TTC28: variants seen among roughly 807,000 people sequenced by gnomAD.
TTC28 encodes the protein tetratricopeptide repeat protein 28.
Under a neutral mutation model 198.0 loss-of-function variants are expected in TTC28, and 61 were observed. The ratio of observed to expected loss-of-function variants is 0.31; its 90% CI spans 0.25 to 0.38. The LOEUF (loss-of-function observed/expected upper bound fraction) is 0.38. Among genes scored for constraint, TTC28 ranks in the 10% least tolerant of loss-of-function variants. TTC28 has a pLI of 1.00. For missense variants in TTC28, 2,678 were observed against 3,164.0 expected (o/e 0.85, Z 3.69); for synonymous variants, 1,171 against 1,297.8 (o/e 0.90, Z 2.10).
intron 5 of TTC28, among the ~76,000 whole-genome samples, chr22:28,178,165 G>A (rs948502417): frequency 6.6e-6 from 1 of 151,978 alleles, no homozygotes; most frequent in African/African-American, 2.4e-5. Context: ...TAGAAGAAAA[G>A]TATATCGGGC....
chr22:28,160,545 T>C (rs529820486), intron 6 of TTC28, among the ~76,000 whole-genome samples: 1 of 151,940 alleles, frequency 6.6e-6, no homozygotes, highest in African/African-American at 2.4e-5. Flanking sequence ...GGAGGCAGAG[T>C]AAAAAAGGCA....
At chr22:28,115,760 C>G (rs945960327) in intron 6 of TTC28, among the ~76,000 whole-genome samples, 2 of 152,192 alleles carry the variant, frequency 1.3e-5, no homozygotes, top group African/African-American at 2.4e-5. Flanking sequence ...AAGTTACGAG[C>G]CTGTTATCTT....
chr22:28,127,192 G>T (rs781142068), intron 6 of TTC28, among the ~76,000 whole-genome samples: 5 of 152,174 alleles, frequency 3.3e-5, no homozygotes, highest in African/African-American at 4.8e-5. Flanking sequence ...GTACAGACAA[G>T]ACTGGGCCTT....
chr22:28,282,367 T>C (rs1358520766), intron 5 of TTC28, among the ~76,000 whole-genome samples: 1 of 152,170 alleles, frequency 6.6e-6, no homozygotes, highest in Non-Finnish European at 1.5e-5. Context: ...TTTTGTCTTC[T>C]GATTAAAGAG....
chr22:28,515,506 C>A (rs1174391635), intron 2 of TTC28, among the ~76,000 whole-genome samples: 1 of 152,200 alleles, frequency 6.6e-6, no homozygotes, highest in African/African-American at 2.4e-5. Flanking sequence ...TGCTTCACAG[C>A]ATGCTGTTTG....
chr22:28,575,935 T>C (rs1490659401), intron 2 of TTC28, among the ~76,000 whole-genome samples: 2 of 152,204 alleles, frequency 1.3e-5, no homozygotes, highest in African/African-American at 2.4e-5. Flanking sequence ...TAAAATCACA[T>C]CATCTGTAAA....
At chr22:28,388,179 G>T (rs1162480392) in intron 2 of TTC28, among the ~76,000 whole-genome samples, 4 of 152,060 alleles carry the variant, frequency 2.6e-5, no homozygotes, top group Non-Finnish European at 5.9e-5. Context: ...ATTTCTGAGG[G>T]CTCTATTCTG....
intron 9 of TTC28, among the ~76,000 whole-genome samples, chr22:28,100,621 T>C (rs995989070): frequency 1.3e-5 from 2 of 152,214 alleles, no homozygotes. Flanking sequence ...TCTAGCACAA[T>C]GTCCTCTGCA....
chr22:27,998,937 G>T lies in TTC28; in HGVS notation c.4722C>A (p.Gly1574=). 1 of 1,550,834 alleles carries T rather than the reference G, an allele frequency of 6.4e-7. No homozygotes were observed. Among genetic ancestry groups the T allele is most frequent in the East Asian group, 2.4e-5 (1 of 40,920 alleles). Reference sequence around the variant, plus strand: ...AGGACTCAGGGATCGTGTAGGGGTGGCCGAAGGAGCTCTTGCTGCTGGCAG... The same window carrying T: ...AGGACTCAGGGATCGTGTAGGGGTGTCCGAAGGAGCTCTTGCTGCTGGCAG... ...GNPASSKSSF[G]HPYTIPESLR... Residue 1574 remains glycine (G), a synonymous_variant, in exon 16 of 23, where the codon GGC becomes GGA. Coordinates refer to ENST00000397906, the MANE Select transcript of TTC28 (RefSeq NM_001145418.2).
At chr22:28,201,971 C>T (rs893795869) in intron 5 of TTC28, among the ~76,000 whole-genome samples, 1 of 152,108 alleles carries the variant, frequency 6.6e-6, no homozygotes, top group African/African-American at 2.4e-5. Context: ...AAATAGCCTA[C>T]TATGAGTACC....
At chr22:28,518,796 G>C (rs1248645164) in intron 2 of TTC28, among the ~76,000 whole-genome samples, 1 of 152,154 alleles carries the variant, frequency 6.6e-6, no homozygotes, top group East Asian at 1.9e-4. Context: ...TACGAAAGTA[G>C]TAAAAAGGTC....
chr22:28,231,735 C>T (rs1928821584), intron 5 of TTC28, among the ~76,000 whole-genome samples: 1 of 152,206 alleles, frequency 6.6e-6, no homozygotes, highest in Admixed American at 6.5e-5. Context: ...GGAAGGAAGA[C>T]AGTTGTTGTT....
At chr22:28,660,084 C>T (rs532192414) in intron 1 of TTC28, among the ~76,000 whole-genome samples, 2 of 152,192 alleles carry the variant, frequency 1.3e-5, no homozygotes, top group East Asian at 3.9e-4. Flanking sequence ...TGTGAGCCAC[C>T]ACACACAGCC....
In TTC28 at chr22:28,091,939, GA is replaced by G. The variant is rs1349286445; in HGVS notation, c.3932+2140del. On this transcript the variant is annotated intron_variant, in intron 12 of 22. Coordinates refer to ENST00000397906, the MANE Select transcript of TTC28 (RefSeq NM_001145418.2). ...GGAGTTGTAGAGGCTTCCTTAAGGA[GA>G]GAATATTTGAGCTGAGCTCAGAGGA... 1.2e-4 allele frequency among the ~76,000 whole-genome samples: 18 copies of G among 152,258 alleles called. 1 individual carries two copies. The highest frequency in any genetic ancestry group is 4.1e-4 in the African/African-American group (17 of 41,546).
At chr22:28,660,971 T>C (rs2051734131) in intron 1 of TTC28, among the ~76,000 whole-genome samples, 2 of 152,110 alleles carry the variant, frequency 1.3e-5, no homozygotes, top group Admixed American at 1.3e-4. Context: ...TTAGAATCAT[T>C]CTTTTGCTAT....
chr22:28,200,822 A>C (rs573891132), intron 5 of TTC28, among the ~76,000 whole-genome samples: 1 of 152,316 alleles, frequency 6.6e-6, no homozygotes, highest in Non-Finnish European at 1.5e-5. Context: ...TGCTGAGACA[A>C]GCCCCTGATA....
chr22:28,425,604 A>T (rs1245378995), intron 2 of TTC28, among the ~76,000 whole-genome samples: 1 of 152,236 alleles, frequency 6.6e-6, no homozygotes, highest in East Asian at 1.9e-4. Context: ...TCAATAAACC[A>T]ATGGATTCAT....
intron 2 of TTC28, among the ~76,000 whole-genome samples, chr22:28,519,188 A>G (rs118074551): frequency 0.023 from 3,441 of 152,300 alleles, 60 homozygotes; most frequent in Middle Eastern, 0.041. Context: ...AATTTTTAAC[A>G]ATCAGATCCA....
intron 5 of TTC28, among the ~76,000 whole-genome samples, chr22:28,204,679 T>G (rs919019641): frequency 6.6e-6 from 1 of 151,938 alleles, no homozygotes; most frequent in Admixed American, 6.6e-5. Context: ...AGTAATTCAT[T>G]AAAAAAACAC....
Sources: gnomAD v4.1 joint callset for allele counts (sites outside exome capture counted in the v4.1 genomes callset) on GRCh38, gnomAD v4.1.1 for gene constraint, MANE v1.5 for transcripts, NCBI Gene and HGNC (gene_info 2026-07-23, HGNC 2026-07-21) for gene names.